NCKAP1L: variants seen among roughly 807,000 people sequenced by gnomAD.
NCKAP1L encodes the protein NCK associated protein 1 like, also known as nck-associated protein 1-like.
In NCKAP1L, 53 loss-of-function variants were observed where a neutral mutation model predicts 139.2. That is an observed-to-expected ratio of 0.38 (90% CI 0.31 to 0.48). NCKAP1L has a LOEUF of 0.48. Among genes scored for constraint, NCKAP1L ranks in the 20% least tolerant of loss-of-function variants. The probability of loss-of-function intolerance (pLI) is 0.98; values close to 1 mark genes in which losing one functional copy is unlikely to be tolerated. For missense variants in NCKAP1L, 1,151 were observed against 1,381.9 expected (o/e 0.83, Z 2.65); for synonymous variants, 468 against 499.7 (o/e 0.94, Z 0.85).
intron 22 of NCKAP1L, 100 bp from the exon 23 acceptor site, chr12:54,531,160 G>T (rs1236993571): frequency 4.1e-6 from 4 of 982,072 alleles, no homozygotes; most frequent in East Asian, 4.8e-5. Flanking sequence ...TTCTTTTCTT[G>T]CTGGAAAACA....
rs921087465 is a variant in NCKAP1L, at chr12:54,544,481, T to A, written c.*1796T>A. 1.3e-5 allele frequency: 2 copies of A among 152,118 alleles called. No homozygotes were observed. The highest frequency in any genetic ancestry group is 2.4e-5 in the African/African-American group (1 of 41,402). The allele number at this position is 152,118 out of a possible 1,614,324, so 9.4% of individuals were successfully genotyped here. ...ACTTGTAAGAAATCATACAGAGAAA[T>A]TCTATTTTCCTTTACACAGTTTCCC... On this transcript the variant is annotated 3_prime_UTR_variant, in exon 31 of 31. Transcript: ENST00000293373.
At chr12:54,527,218 G>T (rs112134704) in intron 21 of NCKAP1L, among the ~76,000 whole-genome samples, 1 of 152,308 alleles carries the variant, frequency 6.6e-6, no homozygotes, top group African/African-American at 2.4e-5. Flanking sequence ...ACTGGAGAAG[G>T]TGGGAATCAG....
At position 54,535,195 on chromosome 12, in the gene NCKAP1L, C is replaced by T; in HGVS notation, c.2954C>T (p.Ala985Val). 6.2e-7 allele frequency: 1 copy of T among 1,612,568 alleles called. No homozygotes were observed. Among genetic ancestry groups the T allele is most frequent in the Non-Finnish European group, 8.5e-7 (1 of 1,178,998 alleles). The change falls in exon 27 of 31, where the codon GCT (alanine) becomes GTT (valine). Residue 985 changes from alanine to valine, a missense_variant and splice_region_variant. By Grantham distance (64) the Ala-to-Val change is moderately conservative. Transcript: ENST00000293373. Reference protein sequence around the residue: ...ALVAAIANLKADTSSPEEEYK... With the variant: ...ALVAAIANLKVDTSSPEEEYK... ...GTGGCTGCCATTGCTAATCTGAAAG[C>T]TGGTAAGATTGGGGAAAGGGGGCGA...
intron 13 of NCKAP1L, 40 bp downstream of exon 13, chr12:54,517,978 T>G: frequency 6.2e-7 from 1 of 1,608,054 alleles, no homozygotes; most frequent in Non-Finnish European, 8.5e-7. Flanking sequence ...AATTTCAGGA[T>G]GATCCCTAGT....
intron 4 of NCKAP1L, among the ~76,000 whole-genome samples, 197 bp from the exon 5 acceptor site, chr12:54,508,192 T>G (rs546255417): frequency 4.6e-5 from 7 of 152,358 alleles, no homozygotes; most frequent in African/African-American, 1.2e-4. Context: ...TTTCCTGGCC[T>G]CCTTGTATAT....
intron 30 of NCKAP1L, among the ~76,000 whole-genome samples, chr12:54,541,977 C>A (rs1279865737): frequency 6.6e-6 from 1 of 151,944 alleles, no homozygotes; most frequent in Non-Finnish European, 1.5e-5. Context: ...CTTCTCCGGG[C>A]ATCTTGATCT....
chr12:54,509,157 T>A (rs1051312554), intron 5 of NCKAP1L, among the ~76,000 whole-genome samples: 1 of 152,196 alleles, frequency 6.6e-6, no homozygotes, highest in Non-Finnish European at 1.5e-5. Flanking sequence ...TTGTCTGCAG[T>A]TCTGTCCCCC....
At position 54,499,417 on chromosome 12, in the gene NCKAP1L, CA is replaced by C. The variant is rs777242707; in HGVS notation, c.167del (p.Lys56SerfsTer10). 2.5e-6 allele frequency: 4 copies of C among 1,612,522 alleles called. No individual in the cohort carries two copies. The highest frequency in any genetic ancestry group is 3.4e-6 in the Non-Finnish European group (4 of 1,178,676). ...LLEKSMEPSL[K>X]YINKKFPNID... ...TGGAAAAGTCCATGGAACCATCTCT[CA>C]AGTATATCAACAAGAAATTTCCCAA... On this transcript the variant is annotated frameshift_variant, in exon 2 of 31. Coordinates refer to ENST00000293373, the MANE Select transcript of NCKAP1L (RefSeq NM_005337.5). LOFTEE classifies it high-confidence loss of function.
Position 54,512,065 on chromosome 12 carries a change from G to T in NCKAP1L, c.901G>T (p.Val301Leu). The change falls in exon 9 of 31, where the codon GTG becomes TTG. Residue 301 changes from valine (V) to leucine (L), a missense_variant. Val to Leu is a conservative substitution (Grantham distance 32). Transcript: ENST00000293373. ...CCTTATCCGTGAGGATGTGCTGCAGGTGCACAAAGTCACCGAGGACCTGTT... is the reference window on the plus strand; with the variant it reads ...CCTTATCCGTGAGGATGTGCTGCAGTTGCACAAAGTCACCGAGGACCTGTT... ...ITLIREDVLQ[V>L]HKVTEDLFSS... is the part of the protein sequence containing the mutation. The T allele has an allele frequency of 6.2e-7, 1 of 1,614,166 alleles. No homozygotes were observed. Among genetic ancestry groups the T allele is most frequent in the Non-Finnish European group, 8.5e-7 (1 of 1,180,016 alleles).
At position 54,505,508 on chromosome 12, in the gene NCKAP1L, G is replaced by T. The variant is rs565003397; in HGVS notation, c.307-2345G>T. On this transcript the variant is annotated intron_variant, in intron 3 of 30. Transcript: ENST00000293373. ...TCACTTCTGGCCCCAGGCAACCACT[G>T]ATCTACTTTCTAGAATAGATTTTTC... 5.3e-3 allele frequency among the ~76,000 whole-genome samples: 785 copies of T among 149,216 alleles called. 6 individuals carry two copies. The highest frequency in any genetic ancestry group is 0.011 in the Admixed American group (169 of 14,992).
Position 54,531,780 on chromosome 12 carries a change from G to T in NCKAP1L, c.2736G>T (p.Gly912=). ...ENVLKRMTII[G]VILSFRAMAQ... is the part of the protein sequence containing the mutation. ...TGCTAAAGCGCATGACCATCATTGG[G>T]GTTATCCTCAGTTTCAGGGCCATGG... The change falls in exon 25 of 31, where the codon GGG becomes GGT. Residue 912 remains glycine (G), a synonymous_variant. Transcript: ENST00000293373. The T allele has an allele frequency of 1.2e-6, 2 of 1,613,046 alleles. No homozygotes were observed. Among genetic ancestry groups the T allele is most frequent in the South Asian group, 1.1e-5 (1 of 91,064 alleles).
chr12:54,510,062 C>A, intron 7 of NCKAP1L, 77 bp downstream of exon 7: 2 of 1,530,524 alleles, frequency 1.3e-6, no homozygotes, highest in Non-Finnish European at 1.8e-6. Flanking sequence ...GTGCTTCTTT[C>A]AGGAAATATC....
Position 54,499,326 on chromosome 12 carries a change from G to A in NCKAP1L, c.103-29G>A, listed in dbSNP as rs1956778009. 4 of 1,237,838 alleles carry A rather than the reference G, an allele frequency of 3.2e-6. No homozygotes were observed. In the African/African-American group the frequency reaches 4.5e-5, roughly 14 times the overall value. The allele number at this position is 1,237,838 out of a possible 1,614,324, so 76.7% of individuals were successfully genotyped here. A position where few individuals can be genotyped will look rare whatever the true frequency, so the allele number is the denominator to read the frequency against. ...ATGTTTCTGAGGAGGAGGAGAAAGG[G>A]TTGAAATATATATGGTTTCTCTCTG... On this transcript the variant is annotated intron_variant, in intron 1 of 30. Transcript: ENST00000293373.
intron 2 of NCKAP1L, among the ~76,000 whole-genome samples, chr12:54,499,865 A>G (rs1195418585): frequency 6.6e-6 from 1 of 152,170 alleles, no homozygotes; most frequent in Non-Finnish European, 1.5e-5. Context: ...CCCTTATTAA[A>G]TGTTAACCCT....
rs1957118297 is a variant in NCKAP1L, at chr12:54,536,953, A to G, written c.3083A>G (p.Asn1028Ser). The G allele has an allele frequency of 1.9e-6, 3 of 1,610,646 alleles. No homozygotes were observed. Among genetic ancestry groups the G allele is most frequent in the Admixed American group, 1.7e-5 (1 of 59,980 alleles). The stretch of plus-strand genomic sequence containing the variant: ...ATCAATAATAACCTAGGTTACAACA[A>G]CAATATTCATTGCTTGACCAAAGCC... ...FYSIEKDGYN[N>S]NIHCLTKAII... The change falls in exon 29 of 31, where the codon AAC becomes AGC. Residue 1028 changes from asparagine (N) to serine (S), a missense_variant. By Grantham distance (46) the Asn-to-Ser change is conservative. Coordinates refer to ENST00000293373, the MANE Select transcript of NCKAP1L (RefSeq NM_005337.5).
intron 22 of NCKAP1L, among the ~76,000 whole-genome samples, chr12:54,530,362 C>T (rs34174834): frequency 0.066 from 10,067 of 152,272 alleles, 373 homozygotes; most frequent in African/African-American, 0.091. Context: ...TTTCCCCAGG[C>T]AGGCTTTATT....
At chr12:54,523,707 C>A (rs1298255939) in intron 19 of NCKAP1L, 118 bp from the exon 20 acceptor site, 8 of 1,450,152 alleles carry the variant, frequency 5.5e-6, no homozygotes, top group Non-Finnish European at 7.4e-6. Flanking sequence ...AAGTCTACAT[C>A]AATGTGTACT....
At position 54,531,622 on chromosome 12, in the gene NCKAP1L, G is replaced by A. The variant is rs200487858; in HGVS notation, c.2698+38G>A. On this transcript the variant is annotated intron_variant, in intron 24 of 30. Transcript: ENST00000293373. ...TTCCCCTATAGTGAGAAGGAGCTGT[G>A]GAATCACATTGCAGATGACAGGGTT... is the stretch of plus-strand genomic sequence containing the variant. 8.3e-5 allele frequency: 134 copies of A among 1,609,576 alleles called. No individual in the cohort carries two copies. The African/African-American group carries it at 1.5e-3, about 18-fold the overall frequency.
intron 19 of NCKAP1L, 71 bp from the exon 20 acceptor site, chr12:54,523,754 G>A (rs1013324516): frequency 3.2e-6 from 5 of 1,556,964 alleles, no homozygotes; most frequent in Admixed American, 3.7e-5. Flanking sequence ...TGGGTCATGG[G>A]CCCAACACGT....
Sources: allele counts gnomAD v4.1 joint callset (sites outside exome capture counted in the v4.1 genomes callset), GRCh38; gene constraint gnomAD v4.1.1; transcripts MANE v1.5; gene names NCBI Gene and HGNC (gene_info 2026-07-23, HGNC 2026-07-21).